Variants in BLTP1 observed in about 807,000 individuals in gnomAD.
BLTP1 encodes fragile site-associated protein.
chr4:122,229,805 C>T, the BLTP1 span: 3 of 1,330,124 alleles, frequency 2.3e-6, no homozygotes, highest in South Asian at 2.2e-5. Context: ...ATTTCTTTTT[C>T]CTTTATTTTC....
At chr4:122,235,576 T>C in the BLTP1 span, 4,804 of 493,516 alleles carry the variant, frequency 9.7e-3, 35 homozygotes, top group Admixed American at 0.012. Context: ...GAGGCCAAGG[T>C]GGGCGGATCA....
chr4:122,247,752 C>T, the BLTP1 span: 1 of 1,010,254 alleles, frequency 9.9e-7, no homozygotes, highest in South Asian at 4.1e-5. Flanking sequence ...TAATATTAAT[C>T]AAAACCAGAG....
the BLTP1 span, chr4:122,195,601 G>GA: frequency 4.8e-6 from 1 of 209,128 alleles, no homozygotes; most frequent in African/African-American, 2.3e-5. Context: ...GCTACAGCAT[G>GA]AAGTGCTGAG....
chr4:122,343,619 T>C, the BLTP1 span: 3 of 1,612,248 alleles, frequency 1.9e-6, no homozygotes, highest in South Asian at 1.1e-5. Flanking sequence ...AGGTATACTT[T>C]GCATGTTTAT....
the BLTP1 span, among the ~76,000 whole-genome samples, chr4:122,281,065 GT>G: frequency 2.6e-5 from 4 of 152,206 alleles, no homozygotes; most frequent in Admixed American, 2.0e-4. Flanking sequence ...GGAGACAATA[GT>G]ACCTACTTAT....
At chr4:122,154,996 G>A in the BLTP1 span, 1 of 861,442 alleles carries the variant, frequency 1.2e-6, no homozygotes, top group Non-Finnish European at 1.4e-6. Flanking sequence ...TGGAAGACAT[G>A]ATCAAAGGTG....
At chr4:122,263,300 A>G in the BLTP1 span, 1 of 1,410,086 alleles carries the variant, frequency 7.1e-7, no homozygotes, top group Non-Finnish European at 9.2e-7. Flanking sequence ...TAATATCCAA[A>G]TACCAACATT....
the BLTP1 span, among the ~76,000 whole-genome samples, chr4:122,355,566 T>A: frequency 6.8e-6 from 1 of 147,914 alleles, no homozygotes; most frequent in Non-Finnish European, 1.5e-5. Context: ...ATCTATATCA[T>A]ATGTATATAT....
the BLTP1 span, chr4:122,219,538 T>G: frequency 1.2e-6 from 2 of 1,613,928 alleles, no homozygotes; most frequent in Non-Finnish European, 1.7e-6. Flanking sequence ...ACTTGTTAAT[T>G]TGTACAAAGT....
chr4:122,239,641 G>A, the BLTP1 span: 5 of 1,614,092 alleles, frequency 3.1e-6, no homozygotes, highest in Non-Finnish European at 4.2e-6. Flanking sequence ...CGTCTTGGAA[G>A]TACTAAGAGT....
chr4:122,181,244 T>C, the BLTP1 span: 1 of 968,074 alleles, frequency 1.0e-6, no homozygotes, highest in Non-Finnish European at 1.2e-6. Flanking sequence ...TGCGTTCTTT[T>C]TTTTTAAAAG....
the BLTP1 span, chr4:122,220,596 C>G: frequency 1.3e-6 from 1 of 773,742 alleles, no homozygotes; most frequent in South Asian, 1.8e-5. Flanking sequence ...TTTAAGTTAA[C>G]TGTATTAAGA....
chr4:122,275,525 G>A, the BLTP1 span, among the ~76,000 whole-genome samples: 1 of 151,876 alleles, frequency 6.6e-6, no homozygotes, highest in Non-Finnish European at 1.5e-5. Context: ...ATTTCTTTAG[G>A]TGTCCCATGA....
the BLTP1 span, chr4:122,286,858 T>C: frequency 2.4e-6 from 3 of 1,245,290 alleles, no homozygotes; most frequent in Non-Finnish European, 3.4e-6. Flanking sequence ...CCAAAATATG[T>C]AGTAATCCAA....
At chr4:122,225,754 A>C in the BLTP1 span, 2 of 152,172 alleles carry the variant, frequency 1.3e-5, no homozygotes, top group East Asian at 3.8e-4. Context: ...ATGGATGAAA[A>C]GCAATAGTCA....
the BLTP1 span, chr4:122,193,655 A>T: frequency 1.2e-6 from 1 of 841,094 alleles, no homozygotes; most frequent in South Asian, 5.5e-5. Context: ...TCTTAAAATT[A>T]GTTAAATTAG....
the BLTP1 span, chr4:122,187,161 T>G: frequency 1.0e-6 from 1 of 984,530 alleles, no homozygotes. Context: ...TCCCTTATAG[T>G]TTTGTCATTA....
chr4:122,171,821 A>T, the BLTP1 span: 1 of 984,562 alleles, frequency 1.0e-6, no homozygotes, highest in Non-Finnish European at 1.2e-6. Flanking sequence ...AATAACAAGC[A>T]GAAAAACATT....
chr4:122,362,061 T>C, the BLTP1 span: 2 of 1,611,220 alleles, frequency 1.2e-6, no homozygotes, highest in Non-Finnish European at 1.7e-6. Flanking sequence ...GAAAGATTGA[T>C]CCAGTAGGTG....
Sources: allele counts gnomAD v4.1 joint callset (sites outside exome capture counted in the v4.1 genomes callset), GRCh38; gene constraint gnomAD v4.1.1; transcripts MANE v1.5; gene names NCBI Gene and HGNC (gene_info 2026-07-23, HGNC 2026-07-21).